EYS: variants seen among roughly 807,000 people sequenced by gnomAD.
EYS encodes EGF-like photoreceptor maintenance factor.
Under a neutral mutation model 282.1 loss-of-function variants are expected in EYS, and 250 were observed. The ratio of observed to expected loss-of-function variants is 0.89; its 90% CI spans 0.80 to 0.98. The LOEUF (loss-of-function observed/expected upper bound fraction) is 0.98. Ranked by LOEUF, EYS falls within the 50% of genes least tolerant of loss-of-function variation. EYS has a pLI of 0.00. For synonymous variants in EYS, 1,355 were observed against 1,282.9 expected (o/e 1.06, Z -1.20); for missense variants, 4,016 against 3,709.0 (o/e 1.08, Z -2.15).
intron 29 of EYS, among the ~76,000 whole-genome samples, chr6:64,318,094 G>A (rs1224945644): frequency 6.6e-6 from 1 of 151,978 alleles, no homozygotes; most frequent in Non-Finnish European, 1.5e-5. Flanking sequence ...GGGTTGATGG[G>A]TGGAGAAAAG....
chr6:64,670,105 G>C (rs186321050), intron 22 of EYS, among the ~76,000 whole-genome samples: 4 of 150,856 alleles, frequency 2.7e-5, no homozygotes, highest in Admixed American at 2.1e-4. Flanking sequence ...TGATCTCCCC[G>C]TCTCTAAGGG....
intron 23 of EYS, 105 bp downstream of exon 23, chr6:64,626,016 G>A (rs1170655225): frequency 6.3e-6 from 4 of 633,874 alleles, no homozygotes; most frequent in East Asian, 6.1e-5. Context: ...TAGTATTGGT[G>A]GAGTGGATTG....
rs181211841 is a variant in EYS, at chr6:63,854,639, G to T, written c.7228+9547C>A. 2.6e-5 allele frequency among the ~76,000 whole-genome samples: 4 copies of T among 152,142 alleles called. No homozygotes were observed. The East Asian group carries it at 5.8e-4, about 22-fold the overall frequency. On this transcript the variant is annotated intron_variant, in intron 36 of 42. Coordinates refer to ENST00000503581, the MANE Select transcript of EYS (RefSeq NM_001142800.2). ...GTATAATAATAATTACAATAAAAAA[G>T]CCACTTCATTGTTTCCTCCATCAAT...
intron 32 of EYS, among the ~76,000 whole-genome samples, chr6:64,081,594 T>A (rs1313588076): frequency 6.6e-6 from 1 of 152,194 alleles, no homozygotes; most frequent in African/African-American, 2.4e-5. Flanking sequence ...TTTACTGCTA[T>A]AGCCATATGC....
chr6:64,604,383 G>A (rs565526978), intron 24 of EYS, among the ~76,000 whole-genome samples: 25 of 152,012 alleles, frequency 1.6e-4, no homozygotes, highest in Admixed American at 7.2e-4. Context: ...GGTTAAAGAG[G>A]AGAATAAAAT....
intron 11 of EYS, chr6:65,329,545 G>C: frequency 1.0e-6 from 1 of 982,844 alleles, no homozygotes; most frequent in Non-Finnish European, 1.2e-6. Context: ...CATTCAATAT[G>C]ACACTTTCAT....
chr6:65,695,292 C>T (rs191879114), intron 1 of EYS, among the ~76,000 whole-genome samples: 71 of 151,968 alleles, frequency 4.7e-4, no homozygotes, highest in African/African-American at 1.6e-3. Context: ...ATTTATCACC[C>T]TTGTTTGGCA....
intron 12 of EYS, among the ~76,000 whole-genome samples, chr6:65,104,172 A>G (rs1774970100): frequency 6.6e-6 from 1 of 151,436 alleles, no homozygotes; most frequent in African/African-American, 2.4e-5. Flanking sequence ...ATTGGAAGTG[A>G]TTACACTATC....
At chr6:64,911,674 G>GT (rs910116149) in intron 16 of EYS, among the ~76,000 whole-genome samples, 7 of 152,172 alleles carry the variant, frequency 4.6e-5, no homozygotes, top group Admixed American at 1.3e-4. Flanking sequence ...AACACAATGT[G>GT]TTTTTTATAT....
At position 65,423,849 on chromosome 6, in the gene EYS, G is replaced by C. The variant is rs10944798; in HGVS notation, c.863-18482C>G. 2.3e-3 allele frequency among the ~76,000 whole-genome samples: 356 copies of C among 151,636 alleles called. 3 individuals are homozygous for C. The highest frequency in any genetic ancestry group is 8.3e-3 in the African/African-American group (345 of 41,384). ...CTCTGTCTAGTCTTCTAATTGCCCT[G>C]CTATAAGTGACATTCTCTAGGGTTT... is the stretch of plus-strand genomic sequence containing the variant. On this transcript the variant is annotated intron_variant, in intron 5 of 42. Coordinates refer to ENST00000503581, the MANE Select transcript of EYS (RefSeq NM_001142800.2).
chr6:64,564,774 C>G (rs1363442487), intron 26 of EYS, among the ~76,000 whole-genome samples: 2 of 137,126 alleles, frequency 1.5e-5, no homozygotes, highest in Non-Finnish European at 3.1e-5. Flanking sequence ...ACATCACACA[C>G]TGGGGCCTGT....
chr6:64,411,392 G>T (rs1454730989), intron 28 of EYS, among the ~76,000 whole-genome samples: 3 of 152,152 alleles, frequency 2.0e-5, no homozygotes, highest in Middle Eastern at 3.4e-3. Context: ...AGACACATGT[G>T]AGAACCAATG....
chr6:65,100,307 C>T (rs573765690), intron 12 of EYS, among the ~76,000 whole-genome samples: 4 of 150,550 alleles, frequency 2.7e-5, no homozygotes, highest in African/African-American at 9.7e-5. Flanking sequence ...AATAAAGGTA[C>T]AAGCTTTTTG....
At chr6:64,920,466 A>C (rs1319473299) in intron 15 of EYS, among the ~76,000 whole-genome samples, 1 of 152,114 alleles carries the variant, frequency 6.6e-6, no homozygotes, top group East Asian at 1.9e-4. Context: ...ATGATGAATC[A>C]GTTTCTGAGC....
At chr6:64,833,925 A>G (rs1377192395) in intron 19 of EYS, among the ~76,000 whole-genome samples, 5 of 151,882 alleles carry the variant, frequency 3.3e-5, no homozygotes, top group Non-Finnish European at 5.9e-5. Context: ...TGACAACTCT[A>G]CCAAGTAACT....
At chr6:64,437,926 C>T (rs1383880414) in intron 27 of EYS, among the ~76,000 whole-genome samples, 1 of 151,530 alleles carries the variant, frequency 6.6e-6, no homozygotes, top group East Asian at 1.9e-4. Context: ...ACTTAAATCA[C>T]ATCATAAAAG....
chr6:64,470,891 G>C (rs1196802357), intron 26 of EYS, among the ~76,000 whole-genome samples: 1 of 151,956 alleles, frequency 6.6e-6, no homozygotes, highest in African/African-American at 2.4e-5. Flanking sequence ...AGATGAGTTG[G>C]ACAAAGGCAT....
At chr6:64,217,324 T>C (rs1248938173) in intron 31 of EYS, among the ~76,000 whole-genome samples, 4 of 151,832 alleles carry the variant, frequency 2.6e-5, no homozygotes, top group East Asian at 1.9e-4. Context: ...AGGTCAGGAG[T>C]TTGAGACCAG....
chr6:64,220,611 C>T (rs1278351820), intron 31 of EYS, among the ~76,000 whole-genome samples: 4 of 152,116 alleles, frequency 2.6e-5, no homozygotes, highest in African/African-American at 9.7e-5. Context: ...ATTCAAAATC[C>T]GTTGTCAATC....
Sources: allele counts gnomAD v4.1 joint callset (sites outside exome capture counted in the v4.1 genomes callset), GRCh38; gene constraint gnomAD v4.1.1; transcripts MANE v1.5; gene names NCBI Gene and HGNC (gene_info 2026-07-23, HGNC 2026-07-21).